The following MALRD1 variants were observed in gnomAD, a reference collection of about 807,000 sequenced individuals.
The protein encoded by MALRD1 is MAM and LDL-receptor class A domain-containing protein 1.
In MALRD1, 247 loss-of-function variants were observed where a neutral mutation model predicts 242.1. That is an observed-to-expected ratio of 1.02 (90% CI 0.92 to 1.13). MALRD1 has a LOEUF of 1.13. Ranked by LOEUF, MALRD1 falls within the 50% of genes most tolerant of loss-of-function variation. The pLI is 0.00. For missense variants in MALRD1, 2,989 were observed against 2,533.1 expected (o/e 1.18, Z -3.86); for synonymous variants, 995 against 866.6 (o/e 1.15, Z -2.60).
chr10:19,485,900 TA>T (rs1391923783), intron 29 of MALRD1, among the ~76,000 whole-genome samples: 2 of 151,882 alleles, frequency 1.3e-5, no homozygotes, highest in East Asian at 1.9e-4. Context: ...TTAACTAAAT[TA>T]GGGGTATATT....
intron 11 of MALRD1, among the ~76,000 whole-genome samples, chr10:19,150,113 A>G (rs537524493): frequency 6.6e-6 from 1 of 152,208 alleles, no homozygotes; most frequent in Non-Finnish European, 1.5e-5. Flanking sequence ...GATTGTTTCC[A>G]AATATTGTCA....
intron 32 of MALRD1, among the ~76,000 whole-genome samples, chr10:19,556,215 C>T (rs891947381): frequency 6.6e-6 from 1 of 152,136 alleles, no homozygotes; most frequent in Non-Finnish European, 1.5e-5. Flanking sequence ...CCTTGTCCTA[C>T]CCAGTTTTCA....
intron 38 of MALRD1, among the ~76,000 whole-genome samples, chr10:19,694,824 A>G (rs945238520): frequency 6.6e-6 from 1 of 152,226 alleles, no homozygotes; most frequent in African/African-American, 2.4e-5. Flanking sequence ...AACCAAGCCA[A>G]ATGTCCAACA....
chr10:19,563,272 C>G (rs1836087298), intron 32 of MALRD1, among the ~76,000 whole-genome samples: 2 of 152,112 alleles, frequency 1.3e-5, no homozygotes, highest in African/African-American at 4.8e-5. Context: ...GTTGTTATGT[C>G]CATCCTGTAT....
intron 26 of MALRD1, among the ~76,000 whole-genome samples, chr10:19,378,813 T>C (rs1311193322): frequency 1.3e-5 from 2 of 152,130 alleles, no homozygotes; most frequent in Admixed American, 6.6e-5. Context: ...TAGAGTAATA[T>C]TGACATCATA....
chr10:19,207,019 T>C (rs925174156), intron 17 of MALRD1, among the ~76,000 whole-genome samples: 1 of 152,178 alleles, frequency 6.6e-6, no homozygotes. Flanking sequence ...CTTGGTTCCC[T>C]TCATTAGGTC....
At chr10:19,077,747 T>C (rs1206739358) in intron 2 of MALRD1, among the ~76,000 whole-genome samples, 1 of 151,892 alleles carries the variant, frequency 6.6e-6, no homozygotes, top group African/African-American at 2.4e-5. Context: ...GGGTTCCCGC[T>C]CCAGATTCAG....
chr10:19,444,700 T>G (rs71497276), intron 28 of MALRD1, among the ~76,000 whole-genome samples: 5,762 of 152,320 alleles, frequency 0.038, 157 homozygotes, highest in Middle Eastern at 0.061. Flanking sequence ...TGGGCATCCC[T>G]TTCGTGGGTA....
chr10:19,360,477 T>C (rs76251597), intron 26 of MALRD1, among the ~76,000 whole-genome samples: 6,951 of 152,148 alleles, frequency 0.046, 289 homozygotes, highest in Admixed American at 0.13. Context: ...ATTTCTTCAT[T>C]ATGGCAGCTA....
At chr10:19,654,093 T>C (rs1841020208) in intron 36 of MALRD1, among the ~76,000 whole-genome samples, 1 of 152,194 alleles carries the variant, frequency 6.6e-6, no homozygotes, top group African/African-American at 2.4e-5. Context: ...TAATATTGTC[T>C]CCTGTGGGAG....
chr10:19,406,847 A>G (rs745521250), intron 28 of MALRD1, among the ~76,000 whole-genome samples: 7 of 152,194 alleles, frequency 4.6e-5, no homozygotes, highest in Admixed American at 1.3e-4. Context: ...TAGTGAGAAA[A>G]AATACAACAC....
chr10:19,435,061 T>C (rs1020133843), intron 28 of MALRD1, among the ~76,000 whole-genome samples: 1 of 151,020 alleles, frequency 6.6e-6, no homozygotes, highest in Non-Finnish European at 1.5e-5. Context: ...GTTCTGACTT[T>C]GTCAGATGCA....
At chr10:19,701,716 C>G (rs1166071804) in intron 38 of MALRD1, among the ~76,000 whole-genome samples, 3 of 124,536 alleles carry the variant, frequency 2.4e-5, no homozygotes, top group Non-Finnish European at 5.1e-5. Context: ...CTCCCCTACC[C>G]TCCCCCTCCC....
intron 33 of MALRD1, among the ~76,000 whole-genome samples, chr10:19,591,135 A>G (rs949638408): frequency 6.6e-6 from 1 of 152,172 alleles, no homozygotes; most frequent in Non-Finnish European, 1.5e-5. Flanking sequence ...CTAGAATGTC[A>G]TATAGTCAAA....
chr10:19,350,189 T>C (rs1247614369), intron 25 of MALRD1, among the ~76,000 whole-genome samples: 1 of 151,946 alleles, frequency 6.6e-6, no homozygotes, highest in African/African-American at 2.4e-5. Flanking sequence ...TTTTTTTTCT[T>C]TGTAGGGGTT....
chr10:19,603,895 G>A (rs1024284232), intron 34 of MALRD1, among the ~76,000 whole-genome samples: 13 of 152,100 alleles, frequency 8.5e-5, no homozygotes, highest in Non-Finnish European at 1.9e-4. Flanking sequence ...TGTTGTGTAT[G>A]TTCTGACTGC....
Position 19,204,176 on chromosome 10 carries a change from CTGAT to C in MALRD1, c.2105-126_2105-123del. On this transcript the variant is annotated intron_variant, in intron 15 of 39. Transcript: ENST00000454679. ...TCAGAACAAATTTGACTAAGAGTCACTGATTGATTATTGTATAATTTTAATTTCA... is the reference window on the plus strand; with the variant it reads ...TCAGAACAAATTTGACTAAGAGTCACTGATTATTGTATAATTTTAATTTCA... 5.8e-6 allele frequency: 4 copies of C among 687,718 alleles called. No individual in the cohort carries two copies. In the South Asian group the frequency reaches 6.0e-5, roughly 10 times the overall value. The allele number at this position is 687,718 out of a possible 1,614,324, so 42.6% of individuals were successfully genotyped here.
chr10:19,106,472 A>G (rs925635028), intron 5 of MALRD1, among the ~76,000 whole-genome samples: 3 of 151,640 alleles, frequency 2.0e-5, no homozygotes, highest in African/African-American at 7.3e-5. Context: ...TTTCTGTGCA[A>G]CCAGTCATAA....
chr10:19,278,067 C>A (rs1334537176), intron 19 of MALRD1, among the ~76,000 whole-genome samples: 1 of 152,018 alleles, frequency 6.6e-6, no homozygotes, highest in Non-Finnish European at 1.5e-5. Context: ...TTTCAGACTC[C>A]CAGGTTGATT....
Sources: allele counts gnomAD v4.1 joint callset (sites outside exome capture counted in the v4.1 genomes callset), GRCh38; gene constraint gnomAD v4.1.1; transcripts MANE v1.5; gene names NCBI Gene and HGNC (gene_info 2026-07-23, HGNC 2026-07-21).